The following ERBB4 variants were observed in gnomAD, a reference collection of about 807,000 sequenced individuals.
ERBB4 encodes erb-b2 receptor tyrosine kinase 4.
In ERBB4, 42 loss-of-function variants were observed where a neutral mutation model predicts 158.0. That is an observed-to-expected ratio of 0.27 (90% CI 0.21 to 0.34). The LOEUF (loss-of-function observed/expected upper bound fraction) is 0.34, where lower values mean the gene tolerates loss of function less well. Ranked by LOEUF, ERBB4 falls within the 10% of genes least tolerant of loss-of-function variation. The pLI is 1.00. For missense variants in ERBB4, 1,333 were observed against 1,624.1 expected, an observed-to-expected ratio of 0.82 and a Z score of 3.08; for synonymous variants, 583 against 558.7, an observed-to-expected ratio of 1.04 and a Z score of -0.61.
intron 2 of ERBB4, among the ~76,000 whole-genome samples, chr2:212,100,854 T>C (rs569019517): frequency 1.3e-5 from 2 of 152,224 alleles, no homozygotes; most frequent in East Asian, 3.9e-4. Flanking sequence ...TCCTTTAGAG[T>C]CATTAAAGCA....
intron 2 of ERBB4, among the ~76,000 whole-genome samples, chr2:212,100,769 G>A (rs1329081353): frequency 1.3e-5 from 2 of 152,142 alleles, no homozygotes; most frequent in African/African-American, 4.8e-5. Flanking sequence ...TAGGAGCAGG[G>A]AAGGTTTTAA....
chr2:212,002,982 C>T (rs1301583842), intron 2 of ERBB4, among the ~76,000 whole-genome samples: 2 of 150,478 alleles, frequency 1.3e-5, no homozygotes, highest in African/African-American at 4.9e-5. Context: ...TTGCTTGAAC[C>T]CGGGAGGCGG....
chr2:211,940,320 T>C (rs2080457077), intron 3 of ERBB4, among the ~76,000 whole-genome samples: 1 of 152,134 alleles, frequency 6.6e-6, no homozygotes, highest in Admixed American at 6.5e-5. Context: ...TTTGGGACTC[T>C]GAGGAGCAAA....
intron 3 of ERBB4, among the ~76,000 whole-genome samples, chr2:211,817,823 G>A (rs903565906): frequency 6.6e-6 from 1 of 152,008 alleles, no homozygotes; most frequent in Non-Finnish European, 1.5e-5. Flanking sequence ...ATCTTCAATT[G>A]TACACATGAC....
At chr2:212,225,831 G>C (rs1046478455) in intron 1 of ERBB4, among the ~76,000 whole-genome samples, 1 of 151,674 alleles carries the variant, frequency 6.6e-6, no homozygotes. Flanking sequence ...ATCCTCAGAT[G>C]ACCCCCAAGA....
chr2:212,107,974 C>T (rs986340720), intron 2 of ERBB4, among the ~76,000 whole-genome samples: 26 of 152,198 alleles, frequency 1.7e-4, no homozygotes, highest in Middle Eastern at 3.4e-3. Flanking sequence ...TACACAGTCT[C>T]GGGTTTGTCT....
In ERBB4 at chr2:211,994,197, C is replaced by T. The variant is rs150432809; in HGVS notation, c.235-46581G>A. On this transcript the variant is annotated intron_variant, in intron 2 of 27. Transcript: ENST00000342788. ...TGAGACTGCAATGTAGTGGCATGAT[C>T]ATGGTTCACTGCAGCCTCAAACTCC... is the stretch of plus-strand genomic sequence containing the variant. Among the ~76,000 whole-genome samples, 878 of 152,184 alleles carry T rather than the reference C, an allele frequency of 5.8e-3. 8 individuals carry two copies. The highest frequency in any genetic ancestry group is 0.02 in the African/African-American group (826 of 41,514).
intron 20 of ERBB4, among the ~76,000 whole-genome samples, chr2:211,511,768 T>C (rs2065890804): frequency 6.6e-6 from 1 of 152,088 alleles, no homozygotes; most frequent in Admixed American, 6.5e-5. Context: ...AAATGTATCT[T>C]GTAACCACGG....
chr2:212,278,384 CACTAAAATGGAGATGG>C (rs1217659288), intron 1 of ERBB4, among the ~76,000 whole-genome samples: 1 of 151,502 alleles, frequency 6.6e-6, no homozygotes, highest in African/African-American at 2.4e-5. Context: ...TTTATACTTC[CACTAAAATGGAGATGG>C]ATGGGTAAAA....
Position 212,191,977 on chromosome 2 carries a change from T to C in ERBB4, c.83-67074A>G, listed in dbSNP as rs1015788551. Among the ~76,000 whole-genome samples the C allele has an allele frequency of 4.4e-3, 487 of 109,644 alleles. 16 individuals carry two copies. The highest frequency in any genetic ancestry group is 8.9e-3 in the Middle Eastern group (2 of 224). The allele number at this position is 109,644 out of a possible 152,430, so 71.9% of individuals were successfully genotyped here. On this transcript the variant is annotated intron_variant, in intron 1 of 27. Coordinates refer to ENST00000342788, the MANE Select transcript of ERBB4 (RefSeq NM_005235.3). Reference sequence around the variant, plus strand: ...TATATGTTATATATGTTATATGTTATATATGTTATATGTTATATATGTTAT... The same window carrying C: ...TATATGTTATATATGTTATATGTTACATATGTTATATGTTATATATGTTAT...
intron 19 of ERBB4, among the ~76,000 whole-genome samples, chr2:211,618,121 A>G (rs1288708869): frequency 6.6e-6 from 1 of 151,926 alleles, no homozygotes; most frequent in Non-Finnish European, 1.5e-5. Flanking sequence ...TTTCTTCTGA[A>G]TTTGAATTAA....
intron 1 of ERBB4, among the ~76,000 whole-genome samples, chr2:212,193,401 A>T (rs2082333061): frequency 6.6e-6 from 1 of 152,088 alleles, no homozygotes; most frequent in African/African-American, 2.4e-5. Flanking sequence ...TTAAAGGTAG[A>T]CTATCTGTTT....
intron 3 of ERBB4, among the ~76,000 whole-genome samples, chr2:211,796,167 T>C (rs888348761): frequency 6.6e-6 from 1 of 151,888 alleles, no homozygotes; most frequent in African/African-American, 2.4e-5. Context: ...TTCCACCTCA[T>C]GTCACTCTAT....
At chr2:212,217,336 G>C (rs1238887190) in intron 1 of ERBB4, among the ~76,000 whole-genome samples, 1 of 151,206 alleles carries the variant, frequency 6.6e-6, no homozygotes, top group Admixed American at 6.6e-5. Flanking sequence ...TAACATCTTT[G>C]CAAGTTCAAA....
rs569844817 is a variant in ERBB4 at position 212,321,478 on chromosome 2, C to T, written c.83-196575G>A. Among the ~76,000 whole-genome samples, 4 of 150,392 alleles carry T rather than the reference C, an allele frequency of 2.7e-5. No individual in the cohort carries two copies. In the East Asian group the frequency reaches 5.9e-4, roughly 22 times the overall value. On this transcript the variant is annotated intron_variant, in intron 1 of 27. Coordinates refer to ENST00000342788, the MANE Select transcript of ERBB4 (RefSeq NM_005235.3). ...CTATAATACTGGCATTTTGGGATCC[C>T]AAGAGTTCAAGACCATCCTGGGCAA...
intron 20 of ERBB4, among the ~76,000 whole-genome samples, chr2:211,472,345 T>C (rs907636017): frequency 2.7e-5 from 4 of 149,760 alleles, no homozygotes; most frequent in South Asian, 2.1e-4. Flanking sequence ...AATATTGATA[T>C]GATAAAAGTC....
At chr2:211,665,147 G>A (rs2071579108) in intron 15 of ERBB4, among the ~76,000 whole-genome samples, 176 bp downstream of exon 15, 1 of 152,158 alleles carries the variant, frequency 6.6e-6, no homozygotes, top group Non-Finnish European at 1.5e-5. Flanking sequence ...ATTTAAGGGT[G>A]TACAAAGTTG....
At chr2:212,434,227 T>C (rs886266918) in intron 1 of ERBB4, among the ~76,000 whole-genome samples, 1 of 151,980 alleles carries the variant, frequency 6.6e-6, no homozygotes, top group Admixed American at 6.6e-5. Context: ...ATAGTGGATA[T>C]AGTAAATTCT....
intron 2 of ERBB4, among the ~76,000 whole-genome samples, chr2:212,015,541 C>T (rs1165098693): frequency 6.6e-6 from 1 of 152,178 alleles, no homozygotes; most frequent in Non-Finnish European, 1.5e-5. Context: ...CACTCCCCTC[C>T]TGGCATGTTC....
Sources: gnomAD v4.1 joint callset for allele counts (sites outside exome capture counted in the v4.1 genomes callset) on GRCh38, gnomAD v4.1.1 for gene constraint, MANE v1.5 for transcripts, NCBI Gene and HGNC (gene_info 2026-07-23, HGNC 2026-07-21) for gene names.